The following THADA variants were observed in gnomAD, a reference collection of about 807,000 sequenced individuals.
The protein encoded by THADA is THADA armadillo repeat containing.
Under a neutral mutation model 219.8 loss-of-function variants are expected in THADA, and 213 were observed. That is an observed-to-expected ratio of 0.97 (90% CI 0.87 to 1.09). THADA has a LOEUF of 1.09. THADA is among the 50% of genes least tolerant of loss of function. THADA has a pLI of 0.00. For missense variants in THADA, 2,956 were observed against 2,311.3 expected (o/e 1.28, Z -5.72); for synonymous variants, 1,018 against 828.9 (o/e 1.23, Z -3.92).
At chr2:43,498,696 GCTT>G in intron 25 of THADA, 134 bp downstream of exon 25, 1 of 984,082 alleles carries the variant, frequency 1.0e-6, no homozygotes, top group Non-Finnish European at 1.4e-6. Context: ...CAAAAATGTA[GCTT>G]GATCCAAAGA....
At chr2:43,237,616 G>C (rs891155520) in intron 36 of THADA, among the ~76,000 whole-genome samples, 3 of 151,422 alleles carry the variant, frequency 2.0e-5, no homozygotes, top group Non-Finnish European at 4.4e-5. Flanking sequence ...GGCCAGGCTG[G>C]TCTTGAACTC....
intron 17 of THADA, among the ~76,000 whole-genome samples, chr2:43,554,738 A>C (rs907104853): frequency 2.0e-5 from 3 of 152,210 alleles, no homozygotes; most frequent in African/African-American, 7.2e-5. Flanking sequence ...ATCATCTCAT[A>C]AAGTTCAAGA....
chr2:43,430,625 T>C (rs746991738), intron 26 of THADA: 9 of 463,242 alleles, frequency 1.9e-5, no homozygotes, highest in Non-Finnish European at 4.3e-6. Context: ...GGACTATAAG[T>C]AGAGTCAACA....
chr2:43,277,781 G>A (rs1672890805), intron 36 of THADA, among the ~76,000 whole-genome samples: 1 of 152,200 alleles, frequency 6.6e-6, no homozygotes, highest in South Asian at 2.1e-4. Context: ...GGGGACAAAA[G>A]AAACAACGTG....
chr2:43,583,467 C>T (rs954517530), intron 7 of THADA, among the ~76,000 whole-genome samples: 2 of 152,200 alleles, frequency 1.3e-5, no homozygotes, highest in Non-Finnish European at 2.9e-5. Flanking sequence ...CAGCAAAACA[C>T]AGAATAATCC....
chr2:43,278,236 A>T (rs1432919228), intron 36 of THADA, among the ~76,000 whole-genome samples: 2 of 152,072 alleles, frequency 1.3e-5, no homozygotes, highest in East Asian at 3.9e-4. Context: ...CAGGCGTGAG[A>T]TTACTGCGCC....
chr2:43,395,612 T>C (rs970820059), intron 29 of THADA, among the ~76,000 whole-genome samples: 3 of 152,202 alleles, frequency 2.0e-5, no homozygotes, highest in Admixed American at 1.3e-4. Flanking sequence ...GCCAAGAAAA[T>C]AGTTTCCTCT....
chr2:43,398,239 G>A (rs900120535), intron 28 of THADA, 100 bp from the exon 29 acceptor site: 3 of 1,269,120 alleles, frequency 2.4e-6, no homozygotes, highest in South Asian at 1.5e-5. Flanking sequence ...GAACATCCAG[G>A]GGTTAGGGGG....
chr2:43,263,854 C>T (rs145544638), intron 36 of THADA, among the ~76,000 whole-genome samples: 232 of 152,302 alleles, frequency 1.5e-3, no homozygotes, highest in African/African-American at 5.4e-3. Flanking sequence ...TTAAGCCCAG[C>T]ATGCATTAGC....
intron 30 of THADA, among the ~76,000 whole-genome samples, chr2:43,331,719 C>T (rs1665789268): frequency 6.6e-6 from 1 of 152,130 alleles, no homozygotes; most frequent in Non-Finnish European, 1.5e-5. Context: ...TTTGGTGTTT[C>T]CAAATCACAC....
At chr2:43,410,577 C>A (rs1558717218) in intron 28 of THADA, among the ~76,000 whole-genome samples, 1 of 152,146 alleles carries the variant, frequency 6.6e-6, no homozygotes, top group Non-Finnish European at 1.5e-5. Context: ...TACGGATATA[C>A]CTAACAACAT....
At chr2:43,256,805 C>T (rs2104174289) in intron 36 of THADA, among the ~76,000 whole-genome samples, 1 of 151,526 alleles carries the variant, frequency 6.6e-6, no homozygotes, top group South Asian at 2.1e-4. Flanking sequence ...TCATGACCTC[C>T]TGGGCTCAAG....
chr2:43,266,483 G>C (rs1671532899), intron 36 of THADA, among the ~76,000 whole-genome samples: 1 of 152,182 alleles, frequency 6.6e-6, no homozygotes, highest in Non-Finnish European at 1.5e-5. Context: ...GGCACCTGTA[G>C]TTGCAGCTAC....
intron 26 of THADA, among the ~76,000 whole-genome samples, chr2:43,477,755 C>T (rs894793615): frequency 9.9e-5 from 15 of 152,228 alleles, no homozygotes; most frequent in Admixed American, 8.5e-4. Context: ...AGTGCCTATG[C>T]AGACTAAGTG....
intron 20 of THADA, among the ~76,000 whole-genome samples, chr2:43,543,327 A>G (rs1467007127): frequency 2.7e-5 from 4 of 146,800 alleles, no homozygotes; most frequent in Non-Finnish European, 4.5e-5. Flanking sequence ...TAGTGCCGCA[A>G]TAAACATACA....
intron 36 of THADA, among the ~76,000 whole-genome samples, chr2:43,249,442 G>A (rs1471420860): frequency 6.6e-6 from 1 of 152,114 alleles, no homozygotes; most frequent in East Asian, 1.9e-4. Flanking sequence ...TAGACTCCAA[G>A]CTTTCCCCTT....
At chr2:43,356,829 G>A (rs1042985090) in intron 29 of THADA, among the ~76,000 whole-genome samples, 2 of 152,202 alleles carry the variant, frequency 1.3e-5, no homozygotes, top group African/African-American at 4.8e-5. Flanking sequence ...CTAATGGGAT[G>A]TATGTGCCTA....
intron 29 of THADA, among the ~76,000 whole-genome samples, chr2:43,355,221 T>C (rs1279297948): frequency 2.0e-5 from 3 of 152,184 alleles, no homozygotes; most frequent in Admixed American, 2.0e-4. Flanking sequence ...CTCTTTGATA[T>C]ACTGATTTCC....
At chr2:43,275,130 G>A (rs965091348) in intron 36 of THADA, among the ~76,000 whole-genome samples, 1 of 151,332 alleles carries the variant, frequency 6.6e-6, no homozygotes, top group African/African-American at 2.4e-5. Flanking sequence ...TCAGTCTCCA[G>A]AGTAACTGGG....
Sources: gnomAD v4.1 joint callset for allele counts (sites outside exome capture counted in the v4.1 genomes callset) on GRCh38, gnomAD v4.1.1 for gene constraint, MANE v1.5 for transcripts, NCBI Gene and HGNC (gene_info 2026-07-23, HGNC 2026-07-21) for gene names.